Variants in CACNA2D3 observed in about 807,000 individuals in gnomAD.
CACNA2D3 encodes the protein calcium voltage-gated channel auxiliary subunit alpha2delta 3.
In CACNA2D3, 60 loss-of-function variants were observed where a neutral mutation model predicts 160.6. The observed-to-expected ratio is 0.37, with a 90% CI of 0.30 to 0.46. The LOEUF (loss-of-function observed/expected upper bound fraction) is 0.46, where lower values mean the gene tolerates loss of function less well. Among genes scored for constraint, CACNA2D3 ranks in the 20% least tolerant of loss-of-function variants. The pLI, the probability that CACNA2D3 is intolerant of heterozygous loss-of-function variation, is 1.00. For missense variants in CACNA2D3, 1,205 were observed against 1,365.0 expected (o/e 0.88, Z 1.85); for synonymous variants, 558 against 492.9 (o/e 1.13, Z -1.75).
At chr3:54,730,011 A>T (rs1163000829) in intron 11 of CACNA2D3, among the ~76,000 whole-genome samples, 3 of 151,402 alleles carry the variant, frequency 2.0e-5, no homozygotes, top group Non-Finnish European at 4.4e-5. Flanking sequence ...AAAAAAAAAA[A>T]AAAAAAAAAA....
chr3:54,515,720 A>G (rs561634472), intron 5 of CACNA2D3, among the ~76,000 whole-genome samples: 1 of 152,336 alleles, frequency 6.6e-6, no homozygotes, highest in East Asian at 1.9e-4. Context: ...GTGATACTCT[A>G]GTCATCTGCC....
At chr3:54,962,637 C>T (rs1702057964) in intron 27 of CACNA2D3, among the ~76,000 whole-genome samples, 1 of 152,228 alleles carries the variant, frequency 6.6e-6, no homozygotes, top group South Asian at 2.1e-4. Flanking sequence ...CCCAAGGGTA[C>T]ACAGCAGTGG....
At chr3:54,541,218 A>G (rs1324668728) in intron 5 of CACNA2D3, among the ~76,000 whole-genome samples, 1 of 141,854 alleles carries the variant, frequency 7.0e-6, no homozygotes, top group Non-Finnish European at 1.5e-5. Context: ...CAGAGCTTGC[A>G]GTGAGCTGAG....
intron 5 of CACNA2D3, 23 bp from the exon 6 acceptor site, chr3:54,562,777 C>T: frequency 6.2e-7 from 1 of 1,604,338 alleles, no homozygotes; most frequent in Non-Finnish European, 8.5e-7. Flanking sequence ...ATACACCCCT[C>T]TCTCTCTCTT....
intron 4 of CACNA2D3, among the ~76,000 whole-genome samples, chr3:54,462,096 T>A (rs1272388630): frequency 3.3e-5 from 5 of 152,114 alleles, no homozygotes; most frequent in African/African-American, 4.8e-5. Context: ...TTTGAGTGAG[T>A]TTCTTAATCT....
At chr3:54,848,885 AGGACC>A (rs1698993023) in intron 17 of CACNA2D3, among the ~76,000 whole-genome samples, 1 of 152,240 alleles carries the variant, frequency 6.6e-6, no homozygotes. Context: ...ATGCAAGCAA[AGGACC>A]TGGTGCAGAA....
intron 8 of CACNA2D3, among the ~76,000 whole-genome samples, chr3:54,572,056 C>G (rs186287428): frequency 6.3e-5 from 9 of 142,604 alleles, no homozygotes; most frequent in African/African-American, 2.2e-4. Context: ...ATGGATGGAG[C>G]CTTATGACTG....
chr3:54,406,653 C>T (rs1321485927), intron 4 of CACNA2D3, among the ~76,000 whole-genome samples: 1 of 151,272 alleles, frequency 6.6e-6, no homozygotes, highest in South Asian at 2.1e-4. Context: ...ACATTCATTA[C>T]CAGGTTCACG....
chr3:55,030,437 T>A (rs904539672), intron 35 of CACNA2D3, among the ~76,000 whole-genome samples: 2 of 152,192 alleles, frequency 1.3e-5, no homozygotes, highest in Non-Finnish European at 2.9e-5. Context: ...CAGGTTTGAA[T>A]AATTCAATGC....
chr3:54,282,664 A>G (rs1702907610), intron 2 of CACNA2D3, among the ~76,000 whole-genome samples: 1 of 152,222 alleles, frequency 6.6e-6, no homozygotes, highest in Non-Finnish European at 1.5e-5. Flanking sequence ...GGCTCTGGGT[A>G]TGCAATGAGC....
At chr3:55,043,361 G>A (rs1444212412) in intron 35 of CACNA2D3, among the ~76,000 whole-genome samples, 2 of 148,168 alleles carry the variant, frequency 1.3e-5, no homozygotes, top group Non-Finnish European at 3.0e-5. Flanking sequence ...CATTTTTAAG[G>A]GTACCATAGT....
chr3:54,513,588 C>T (rs759996395), intron 5 of CACNA2D3, among the ~76,000 whole-genome samples: 2 of 151,996 alleles, frequency 1.3e-5, no homozygotes, highest in Non-Finnish European at 2.9e-5. Context: ...TTTAGAACCA[C>T]CCGGGCTCCA....
chr3:54,969,359 A>T (rs978800121), intron 28 of CACNA2D3, among the ~76,000 whole-genome samples: 2 of 149,328 alleles, frequency 1.3e-5, no homozygotes, highest in Admixed American at 6.7e-5. Flanking sequence ...TCCCTGGTTC[A>T]AGTGATTCTC....
rs145837278 is a variant in CACNA2D3, at chr3:54,337,077, T to TAGAC, written c.321+16543_321+16546dup. ...ATATACACAGACATAGAACGAGACATAGACAGACAGACAGACAGACAGACA... is the reference window on the plus strand; with the variant it reads ...ATATACACAGACATAGAACGAGACATAGACAGACAGACAGACAGACAGACAGACA... On this transcript the variant is annotated intron_variant, in intron 3 of 37. Coordinates refer to ENST00000474759, the MANE Select transcript of CACNA2D3 (RefSeq NM_018398.3). 5.4e-4 allele frequency among the ~76,000 whole-genome samples: 82 copies of TAGAC among 151,848 alleles called. 1 individual carries two copies. Among genetic ancestry groups the TAGAC allele is most frequent in the Middle Eastern group, 3.4e-3 (1 of 294 alleles).
At chr3:54,660,521 T>C (rs888104339) in intron 11 of CACNA2D3, among the ~76,000 whole-genome samples, 1 of 152,154 alleles carries the variant, frequency 6.6e-6, no homozygotes, top group Admixed American at 6.5e-5. Flanking sequence ...TGAAGCTCCT[T>C]CTTCCTGTAG....
At chr3:54,772,721 T>A (rs980751464) in intron 13 of CACNA2D3, among the ~76,000 whole-genome samples, 1 of 152,164 alleles carries the variant, frequency 6.6e-6, no homozygotes, top group African/African-American at 2.4e-5. Context: ...TTCATAGGCC[T>A]CTCATATGAA....
rs563682299 is a variant in CACNA2D3 at position 54,507,793 on chromosome 3, G to T, written c.544+4139G>T. 4.1e-4 allele frequency among the ~76,000 whole-genome samples: 62 copies of T among 152,298 alleles called. 1 individual carries two copies. The highest frequency in any genetic ancestry group is 1.5e-3 in the African/African-American group (62 of 41,568). On this transcript the variant is annotated intron_variant, in intron 5 of 37. Transcript: ENST00000474759. ...ACAAGGACCCACTGACCCCAGGGTT[G>T]CCCTACTCTCACATCTGTAACTGCA...
intron 4 of CACNA2D3, among the ~76,000 whole-genome samples, chr3:54,475,070 G>A (rs1276515842): frequency 6.6e-6 from 1 of 152,182 alleles, no homozygotes; most frequent in Admixed American, 6.5e-5. Context: ...ATCTAAGTAA[G>A]AGATTACCTT....
At chr3:55,050,196 T>C (rs956240713) in intron 35 of CACNA2D3, among the ~76,000 whole-genome samples, 1 of 150,606 alleles carries the variant, frequency 6.6e-6, no homozygotes, top group African/African-American at 2.5e-5. Flanking sequence ...TTCTTCCTAG[T>C]CTCGATGGTC....
Sources: gnomAD v4.1 joint callset for allele counts (sites outside exome capture counted in the v4.1 genomes callset) on GRCh38, gnomAD v4.1.1 for gene constraint, MANE v1.5 for transcripts, NCBI Gene and HGNC (gene_info 2026-07-23, HGNC 2026-07-21) for gene names.